The following MTHFD1L variants were observed in gnomAD, a reference collection of about 807,000 sequenced individuals.
The protein encoded by MTHFD1L is monofunctional C1-tetrahydrofolate synthase, mitochondrial.
MTHFD1L carries 81 observed loss-of-function variants against 119.5 expected under a neutral mutation model. That is an observed-to-expected ratio of 0.68 (90% confidence interval 0.57 to 0.82). The LOEUF (loss-of-function observed/expected upper bound fraction) is 0.82, where lower values mean the gene tolerates loss of function less well. MTHFD1L is among the 40% of genes least tolerant of loss of function. MTHFD1L has a pLI of 0.00. For synonymous variants in MTHFD1L, 430 were observed against 475.2 expected, an observed-to-expected ratio of 0.90 and a Z score of 1.24; for missense variants, 1,125 against 1,253.4, an observed-to-expected ratio of 0.90 and a Z score of 1.55.
intron 26 of MTHFD1L, among the ~76,000 whole-genome samples, chr6:151,080,744 G>C (rs1181109891): frequency 6.6e-6 from 1 of 152,186 alleles, no homozygotes; most frequent in East Asian, 1.9e-4. Context: ...GTGCTGGCAG[G>C]GCTGGTTTCT....
At chr6:150,871,575 C>T (rs1048054857) in intron 1 of MTHFD1L, among the ~76,000 whole-genome samples, 3 of 143,814 alleles carry the variant, frequency 2.1e-5, no homozygotes, top group Non-Finnish European at 4.5e-5. Flanking sequence ...GATCTCGGCT[C>T]GCTGGAACCT....
At chr6:150,936,726 G>T in intron 11 of MTHFD1L, 78 bp from the exon 12 acceptor site, 1 of 1,519,756 alleles carries the variant, frequency 6.6e-7, no homozygotes, top group South Asian at 1.2e-5. Context: ...CCTCAGATTT[G>T]ATTCTGGTGT....
At chr6:151,073,473 G>C (rs960149474) in intron 26 of MTHFD1L, among the ~76,000 whole-genome samples, 2 of 152,076 alleles carry the variant, frequency 1.3e-5, no homozygotes, top group African/African-American at 4.8e-5. Context: ...CAAAGATCTA[G>C]GAAAATACCA....
intron 5 of MTHFD1L, among the ~76,000 whole-genome samples, chr6:150,884,133 T>C (rs1216914599): frequency 6.8e-6 from 1 of 147,020 alleles, no homozygotes; most frequent in Non-Finnish European, 1.5e-5. Flanking sequence ...TAGTGAGACC[T>C]CATCTCTATT....
chr6:150,938,866 T>C (rs3734416), intron 13 of MTHFD1L, 121 bp downstream of exon 13: 345,906 of 1,148,684 alleles, frequency 0.3, 55,391 homozygotes, highest in African/African-American at 0.54. Flanking sequence ...ATTAAGGCTC[T>C]GAAACCCCAA....
intron 26 of MTHFD1L, among the ~76,000 whole-genome samples, chr6:151,053,788 A>G (rs925332798): frequency 6.7e-6 from 1 of 148,218 alleles, no homozygotes; most frequent in African/African-American, 2.5e-5. Flanking sequence ...TGAACCCGGG[A>G]GGTGGAGGTT....
At chr6:150,948,833 G>A (rs13205954) in intron 15 of MTHFD1L, among the ~76,000 whole-genome samples, 198 bp from the exon 16 acceptor site, 29,677 of 130,862 alleles carry the variant, frequency 0.23, 5,456 homozygotes, top group East Asian at 0.41. Context: ...TAGAGATGGG[G>A]TTTCTCCATG....
At chr6:150,967,782 G>A (rs1418567044) in intron 19 of MTHFD1L, among the ~76,000 whole-genome samples, 1 of 152,052 alleles carries the variant, frequency 6.6e-6, no homozygotes, top group East Asian at 1.9e-4. Context: ...CCACCTGCAC[G>A]AGTGCAGCAG....
intron 20 of MTHFD1L, among the ~76,000 whole-genome samples, chr6:150,998,967 C>T (rs1780210166): frequency 7.4e-6 from 1 of 134,580 alleles, no homozygotes; most frequent in African/African-American, 2.8e-5. Context: ...CCAGCCTGGG[C>T]AAACAGAGGG....
chr6:151,021,405 A>AG (rs1419399608), intron 24 of MTHFD1L, among the ~76,000 whole-genome samples: 1 of 152,054 alleles, frequency 6.6e-6, no homozygotes, highest in Non-Finnish European at 1.5e-5. Flanking sequence ...AAAACTAGAC[A>AG]GGTGTGGTGT....
chr6:151,040,045 CG>C (rs1260735418), intron 26 of MTHFD1L, among the ~76,000 whole-genome samples: 3 of 152,138 alleles, frequency 2.0e-5, no homozygotes, highest in Non-Finnish European at 2.9e-5. Context: ...GATAAGAGGG[CG>C]GCTGGACAGT....
chr6:151,020,721 T>A (rs1233797971), intron 24 of MTHFD1L, among the ~76,000 whole-genome samples: 2 of 152,226 alleles, frequency 1.3e-5, no homozygotes, highest in African/African-American at 2.4e-5. Context: ...CAGTCCCTTT[T>A]AAGAAGCTGT....
intron 20 of MTHFD1L, among the ~76,000 whole-genome samples, chr6:150,992,648 C>T (rs1779205119): frequency 6.6e-6 from 1 of 152,204 alleles, no homozygotes; most frequent in South Asian, 2.1e-4. Flanking sequence ...GTTACATCTT[C>T]ACTTTTTTTA....
At chr6:150,889,153 C>A (rs1441033943) in intron 7 of MTHFD1L, among the ~76,000 whole-genome samples, 2 of 146,580 alleles carry the variant, frequency 1.4e-5, no homozygotes, top group Non-Finnish European at 3.0e-5. Flanking sequence ...CTCCAGCCTG[C>A]GCGACAGAGT....
At chr6:150,945,973 A>G (rs1266553362) in intron 15 of MTHFD1L, among the ~76,000 whole-genome samples, 6 of 152,150 alleles carry the variant, frequency 3.9e-5, no homozygotes, top group African/African-American at 1.2e-4. Flanking sequence ...TAGCCACTGC[A>G]TGCCAGCCTG....
At chr6:150,933,917 G>T (rs7769613) in intron 11 of MTHFD1L, among the ~76,000 whole-genome samples, 1 of 151,870 alleles carries the variant, frequency 6.6e-6, no homozygotes, top group Non-Finnish European at 1.5e-5. Context: ...GCACACAGCC[G>T]GGTTCTCTTA....
rs184656389 is a variant in MTHFD1L at position 150,900,316 on chromosome 6, C to A, written c.781-5334C>A. Among the ~76,000 whole-genome samples the A allele has an allele frequency of 2.6e-5, 4 of 152,224 alleles. No individual in the cohort carries two copies. In the East Asian group the frequency reaches 7.7e-4, roughly 29 times the overall value. ...TTTTCCCTTAGCCTGAATGAAAATGCCCCTTCCTGCCCTTCGTAGCTCCTG... is the reference window on the plus strand; with the variant it reads ...TTTTCCCTTAGCCTGAATGAAAATGACCCTTCCTGCCCTTCGTAGCTCCTG... On this transcript the variant is annotated intron_variant, in intron 7 of 27. Coordinates refer to ENST00000367321, the MANE Select transcript of MTHFD1L (RefSeq NM_015440.5).
Position 150,926,486 on chromosome 6 carries a change from A to G in MTHFD1L, c.1256+191A>G. ...AGTGCAGAGCAAACTAGTCGACTCT[A>G]CACAAGATAAAGTCAAACAAGTTGC... is the stretch of plus-strand genomic sequence containing the variant. On this transcript the variant is annotated intron_variant, in intron 11 of 27. Coordinates refer to ENST00000367321, the MANE Select transcript of MTHFD1L (RefSeq NM_015440.5). This position sits in a 1 kb window ranked among gnomAD's most constrained non-coding sequence, Gnocchi z 4.3. 6.6e-6 allele frequency among the ~76,000 whole-genome samples: 1 copy of G among 152,236 alleles called. No homozygotes were observed. The highest frequency in any genetic ancestry group is 1.9e-4 in the East Asian group (1 of 5,202).
chr6:151,054,104 C>T (rs939691570), intron 26 of MTHFD1L, among the ~76,000 whole-genome samples: 7 of 152,080 alleles, frequency 4.6e-5, no homozygotes, highest in African/African-American at 1.7e-4. Flanking sequence ...CACCAAACCA[C>T]CTAACAGCCA....
Sources: gnomAD v4.1 joint callset for allele counts (sites outside exome capture counted in the v4.1 genomes callset) on GRCh38, gnomAD v4.1.1 for gene constraint, Gnocchi (gnomAD v3.1) non-coding constraint, MANE v1.5 for transcripts, NCBI Gene and HGNC (gene_info 2026-07-23, HGNC 2026-07-21) for gene names.